The following DST variants were observed in gnomAD, a reference collection of about 807,000 sequenced individuals.
DST encodes the protein dystonin, also known as bullous pemphigoid antigen.
A neutral mutation model predicts 875.2 loss-of-function variants in DST; 253 were observed. That is an observed-to-expected ratio of 0.29 (90% CI 0.26 to 0.32). DST has a LOEUF of 0.32. DST is among the 10% of genes least tolerant of loss of function. The probability of loss-of-function intolerance (pLI) is 1.00; values close to 1 mark genes in which losing one functional copy is unlikely to be tolerated. For synonymous variants in DST, 3,124 were observed against 3,197.1 expected, an observed-to-expected ratio of 0.98 and a Z score of 0.77; for missense variants, 8,287 against 9,111.6, an observed-to-expected ratio of 0.91 and a Z score of 3.68.
chr6:56,726,624 G>A (rs78228291), intron 5 of DST, among the ~76,000 whole-genome samples: 2,011 of 152,140 alleles, frequency 0.013, 42 homozygotes, highest in African/African-American at 0.046. Context: ...TTGGACTTGG[G>A]GCCTCAGTTT....
rs2096799052 is a variant in DST at position 56,526,482 on chromosome 6, C to T, written c.18008G>A (p.Trp6003Ter). 1 of 1,613,888 alleles carries T rather than the reference C, an allele frequency of 6.2e-7. No homozygotes were observed. Among genetic ancestry groups the T allele is most frequent in the Non-Finnish European group, 8.5e-7 (1 of 1,179,812 alleles). ...TTTCTCAAGTCCTTCTCTTGCCCTC[C>T]ATGGTACCAGTTCCAGCAAAGCACT... ...VSSALLELVP[W>*]RAREGLEKMV... is the part of the protein sequence containing the mutation. The change falls in exon 69 of 104, where the codon TGG becomes TAG. Residue 6003 changes from tryptophan (W) to a stop codon, truncating the protein, a stop_gained. Coordinates refer to ENST00000680361, the MANE Select transcript of DST (RefSeq NM_001374736.1). LOFTEE classifies it high-confidence loss of function.
intron 4 of DST, among the ~76,000 whole-genome samples, chr6:56,744,512 A>G (rs1278011342): frequency 6.6e-6 from 1 of 152,218 alleles, no homozygotes; most frequent in Non-Finnish European, 1.5e-5. Context: ...AAATATTGCA[A>G]GTAAACAGCT....
At chr6:56,632,095 CTGTT>C in intron 28 of DST, 55 bp from the exon 29 acceptor site, 1 of 1,434,876 alleles carries the variant, frequency 7.0e-7, no homozygotes, top group Non-Finnish European at 9.7e-7. Flanking sequence ...TTAGAAGCTT[CTGTT>C]TATGTTTTAA....
chr6:56,800,821 C>T (rs1045877763), intron 4 of DST, among the ~76,000 whole-genome samples: 1 of 152,044 alleles, frequency 6.6e-6, no homozygotes, highest in Non-Finnish European at 1.5e-5. Flanking sequence ...GAGTTCGAGA[C>T]CAGCCTGGGC....
At chr6:56,798,585 T>G (rs956863593) in intron 4 of DST, among the ~76,000 whole-genome samples, 3 of 152,208 alleles carry the variant, frequency 2.0e-5, no homozygotes, top group African/African-American at 7.2e-5. Context: ...CAATGTTTTT[T>G]TCATTCCTAA....
At chr6:56,637,136 T>C (rs1319140854) in intron 22 of DST, among the ~76,000 whole-genome samples, 2 of 151,736 alleles carry the variant, frequency 1.3e-5, no homozygotes, top group African/African-American at 4.8e-5. Context: ...ATCAGGGCAG[T>C]AAAATTTTCC....
chr6:56,728,329 A>G (rs1427731378), intron 5 of DST, among the ~76,000 whole-genome samples: 1 of 152,240 alleles, frequency 6.6e-6, no homozygotes, highest in Non-Finnish European at 1.5e-5. Flanking sequence ...TCCATTCTAT[A>G]TAAATAAATT....
In DST at chr6:56,703,651, C is replaced by T. The variant is rs1302671662; in HGVS notation, c.873G>A (p.Lys291=). Residue 291 remains lysine, a synonymous_variant, in exon 7 of 104, where the codon AAG becomes AAA. Transcript: ENST00000680361. The stretch of plus-strand genomic sequence containing the variant: ...AAGTTATGGGGGCGACACCTACCCC[C>T]TTATCCTCATCCTCCACATCCTCAT... ...EQHEDVEDED[K]GPREKGRMRF... is the part of the protein sequence containing the mutation. 2.0e-6 allele frequency: 2 copies of T among 983,850 alleles called. No individual in the cohort carries two copies. The highest frequency in any genetic ancestry group is 2.4e-6 in the Non-Finnish European group (2 of 828,674). 60.9% of individuals were successfully genotyped at this position (983,850 alleles called of 1,614,324 possible). A position where few individuals can be genotyped will look rare whatever the true frequency, so the allele number is the denominator to read the frequency against.
In DST at chr6:56,555,819, T is replaced by G; in HGVS notation, c.14662A>C (p.Thr4888Pro). ...QVQILLQEFA[T>P]RKPQYEQLTA... ...AGCTGTTCATATTGAGGTTTCCGAG[T>G]GGCGAATTCTTGCAGCAAAATCTAA... Residue 4888 changes from threonine (T) to proline (P), a missense_variant, in exon 60 of 104, where the codon ACT becomes CCT. Thr to Pro is a conservative substitution (Grantham distance 38, BLOSUM62 -1). Around this residue, in one of 10 missense-constraint regions of DST, gnomAD observed 1,513 missense variants for 1,677.8 expected, o/e 0.90. Transcript: ENST00000680361. The G allele has an allele frequency of 6.7e-7, 1 of 1,497,768 alleles. No homozygotes were observed. Among genetic ancestry groups the G allele is most frequent in the Non-Finnish European group, 8.9e-7 (1 of 1,122,010 alleles). The allele number at this position is 1,497,768 out of a possible 1,614,324, so 92.8% of individuals were successfully genotyped here.
chr6:56,762,506 G>A (rs762009305), intron 4 of DST, among the ~76,000 whole-genome samples: 7 of 152,164 alleles, frequency 4.6e-5, no homozygotes, highest in Non-Finnish European at 7.4e-5. Context: ...CTCACAATTC[G>A]TACTGCATCC....
rs1004000523 is a variant in DST at position 56,486,290 on chromosome 6, G to C, written c.21047+814C>G. Among the ~76,000 whole-genome samples, 8 of 148,616 alleles carry C rather than the reference G, an allele frequency of 5.4e-5. No individual in the cohort carries two copies. In the East Asian group the frequency reaches 1.6e-3, roughly 30 times the overall value. Reference sequence around the variant, plus strand: ...AGGCAGGAGAATGGCGTGAACCCGGGAGGCAGAGCTCGCAGTGAGCCGAGA... The same window carrying C: ...AGGCAGGAGAATGGCGTGAACCCGGCAGGCAGAGCTCGCAGTGAGCCGAGA... On this transcript the variant is annotated intron_variant, in intron 87 of 103. Transcript: ENST00000680361.
intron 4 of DST, among the ~76,000 whole-genome samples, chr6:56,753,381 A>T (rs1349672667): frequency 6.6e-6 from 1 of 152,246 alleles, no homozygotes; most frequent in African/African-American, 2.4e-5. Context: ...CTTCAAAGGC[A>T]GAAATACCAG....
In DST at chr6:56,635,570, A is replaced by G; in HGVS notation, c.3186+19T>C. ...TCACTTATGCATACTTATAAAATGC[A>G]TAGGTTTTGTATTAGTACCATTGAT... On this transcript the variant is annotated intron_variant, in intron 24 of 103. Coordinates refer to ENST00000680361, the MANE Select transcript of DST (RefSeq NM_001374736.1). 6.2e-7 allele frequency: 1 copy of G among 1,613,242 alleles called. No individual in the cohort carries two copies. Among genetic ancestry groups the G allele is most frequent in the Non-Finnish European group, 8.5e-7 (1 of 1,179,366 alleles).
At position 56,529,539 on chromosome 6, in the gene DST, T is replaced by C. The variant is rs777182046; in HGVS notation, c.17504A>G (p.Asn5835Ser). 18 of 1,613,598 alleles carry C rather than the reference T, an allele frequency of 1.1e-5. No individual in the cohort carries two copies. The highest frequency in any genetic ancestry group is 1.5e-5 in the Non-Finnish European group (18 of 1,179,658). The change falls in exon 66 of 104, where the codon AAC (asparagine) becomes AGC (serine). Residue 5835 changes from asparagine to serine, a missense_variant. Asn to Ser is a conservative substitution (Grantham distance 46, BLOSUM62 1). This residue lies in a region of DST where 777 missense variants were observed against 764.8 expected (regional missense o/e 1.02). Transcript: ENST00000680361. ...TTTGTCATGCACTTCATTCAGCCAG[T>C]TCATCAGTTCAACTTCATCTTCCCC... is the stretch of plus-strand genomic sequence containing the variant. The part of the protein sequence containing the change: ...IFGEDEVELM[N>S]WLNEVHDKLS...
chr6:56,671,417 T>A (rs1200650973), intron 9 of DST, among the ~76,000 whole-genome samples: 1 of 152,210 alleles, frequency 6.6e-6, no homozygotes, highest in South Asian at 2.1e-4. Context: ...CTCTCCTATA[T>A]AACAATTTGG....
chr6:56,548,863 A>G (rs746059236), intron 61 of DST, among the ~76,000 whole-genome samples: 3 of 152,250 alleles, frequency 2.0e-5, no homozygotes, highest in African/African-American at 7.2e-5. Context: ...AATAGTTTTA[A>G]AACGTCAAGC....
At chr6:56,641,626 T>G in intron 17 of DST, among the ~76,000 whole-genome samples, 1 of 152,178 alleles carries the variant, frequency 6.6e-6, no homozygotes, top group Admixed American at 6.5e-5. Flanking sequence ...GATTTTTTTC[T>G]CTTTCAAACA....
chr6:56,918,106 G>C (rs1385179149), intron 2 of DST, among the ~76,000 whole-genome samples: 1 of 150,948 alleles, frequency 6.6e-6, no homozygotes, highest in Admixed American at 6.6e-5. Context: ...TGACATTTCA[G>C]GTTCAGGTGT....
At chr6:56,647,657 A>C (rs2098951053) in intron 13 of DST, among the ~76,000 whole-genome samples, 1 of 151,660 alleles carries the variant, frequency 6.6e-6, no homozygotes, top group African/African-American at 2.4e-5. Flanking sequence ...CTCTTTAATA[A>C]GTTTACATAT....
Sources: allele counts gnomAD v4.1 joint callset (sites outside exome capture counted in the v4.1 genomes callset), GRCh38; gene constraint gnomAD v4.1.1; regional missense constraint gnomAD v4.1.1; transcripts MANE v1.5; gene names NCBI Gene and HGNC (gene_info 2026-07-23, HGNC 2026-07-21).